The following NRG1 variants were observed in gnomAD, a reference collection of about 807,000 sequenced individuals.
NRG1 encodes pro-neuregulin-1, membrane-bound isoform.
In NRG1, 18 loss-of-function variants were observed where a neutral mutation model predicts 63.8. That is an observed-to-expected ratio of 0.28 (90% confidence interval 0.19 to 0.42). The LOEUF is 0.42. NRG1 is among the 10% of genes least tolerant of loss of function. The pLI is 1.00. For synonymous variants in NRG1, 302 were observed against 301.3 expected, an observed-to-expected ratio of 1.00 and a Z score of -0.02; for missense variants, 762 against 814.7, an observed-to-expected ratio of 0.94 and a Z score of 0.79.
At position 32,657,727 on chromosome 8, in the gene NRG1, A is replaced by G. The variant is rs188242039; in HGVS notation, c.502+40842A>G. Among the ~76,000 whole-genome samples the G allele has an allele frequency of 2.0e-5, 3 of 152,314 alleles. No homozygotes were observed. In the East Asian group the frequency reaches 5.8e-4, roughly 29 times the overall value. ...CCCTTGGTAGAGCTTCCTGGGTCAT[A>G]ATTGCTTGCTCTTCTGGGAGCAAAA... is the stretch of plus-strand genomic sequence containing the variant. On this transcript the variant is annotated intron_variant, in intron 5 of 11. Transcript: ENST00000356819.
intron 1 of NRG1, among the ~76,000 whole-genome samples, chr8:32,499,355 G>A (rs1368756638): frequency 6.6e-6 from 1 of 152,178 alleles, no homozygotes; most frequent in African/African-American, 2.4e-5. Context: ...CAGTTTTTGA[G>A]TCCAGAAGGC....
rs150011099 is a variant in NRG1, at chr8:32,707,117, A to G, written c.503-20832A>G. ...GTATTTTGTGCTGGGCTGCAGTCTT[A>G]TTCATCACTTGATAAATGATGCTTT... On this transcript the variant is annotated intron_variant, in intron 5 of 11. Transcript: ENST00000356819. 7.2e-3 allele frequency among the ~76,000 whole-genome samples: 1,100 copies of G among 152,186 alleles called. 9 individuals carry two copies. The highest frequency in any genetic ancestry group is 0.025 in the African/African-American group (1,052 of 41,574).
At chr8:32,142,644 C>A (rs1375315340) in intron 1 of NRG1, among the ~76,000 whole-genome samples, 1 of 152,142 alleles carries the variant, frequency 6.6e-6, no homozygotes, top group Non-Finnish European at 1.5e-5. Flanking sequence ...AACCACTCAA[C>A]AATTCTTTTT....
intron 5 of NRG1, among the ~76,000 whole-genome samples, chr8:32,722,314 C>A (rs1259350073): frequency 2.0e-5 from 3 of 152,128 alleles, no homozygotes; most frequent in African/African-American, 7.2e-5. Context: ...TTTTTATCAG[C>A]AGTTTGCATT....
chr8:32,302,597 A>G, intron 1 of NRG1, among the ~76,000 whole-genome samples: 1 of 138,506 alleles, frequency 7.2e-6, no homozygotes, highest in Non-Finnish European at 1.6e-5. Flanking sequence ...GCAATAATGA[A>G]ATAAAAATTA....
At chr8:32,371,729 T>G (rs1258626955) in intron 1 of NRG1, among the ~76,000 whole-genome samples, 2 of 152,198 alleles carry the variant, frequency 1.3e-5, no homozygotes, top group African/African-American at 4.8e-5. Context: ...CTGGCCATGC[T>G]GAAATCATGA....
chr8:31,756,034 A>T (rs1289155328), intron 1 of NRG1, among the ~76,000 whole-genome samples: 1 of 152,136 alleles, frequency 6.6e-6, no homozygotes, highest in Admixed American at 6.6e-5. Flanking sequence ...CTGTTTGATT[A>T]GCTAGACATC....
chr8:32,756,485 C>T (rs1419339170), exon 9 of NRG1: 1 of 1,613,380 alleles, frequency 6.2e-7, no homozygotes, highest in Non-Finnish European at 8.5e-7. Context: ...TGCCAATGGG[C>T]CTCACCATCC....
intron 11 of NRG1, among the ~76,000 whole-genome samples, chr8:32,761,768 C>T (rs1327678271): frequency 4.0e-5 from 6 of 151,772 alleles, no homozygotes; most frequent in East Asian, 3.9e-4. Flanking sequence ...AGGCTGGGCA[C>T]GGTGGCTCAC....
intron 1 of NRG1, among the ~76,000 whole-genome samples, chr8:32,580,068 G>A (rs538944473): frequency 6.6e-6 from 1 of 152,262 alleles, no homozygotes; most frequent in South Asian, 2.1e-4. Flanking sequence ...TCCTATGCAT[G>A]AGTTTTGTAG....
At chr8:32,749,275 G>T in intron 7 of NRG1, 1 of 451,868 alleles carries the variant, frequency 2.2e-6, no homozygotes, top group East Asian at 3.9e-5. Context: ...TAATTTAGGG[G>T]ATAGTTCAGC....
chr8:32,365,477 A>G (rs941450525), intron 1 of NRG1, among the ~76,000 whole-genome samples: 1 of 152,146 alleles, frequency 6.6e-6, no homozygotes, highest in Admixed American at 6.5e-5. Context: ...CCTCTGAAAT[A>G]ATGAATTCCT....
At chr8:32,043,350 C>T (rs1365927782) in intron 1 of NRG1, among the ~76,000 whole-genome samples, 1 of 151,842 alleles carries the variant, frequency 6.6e-6, no homozygotes, top group South Asian at 2.1e-4. Flanking sequence ...CAAAAACCTC[C>T]TCAGGAATTA....
chr8:32,359,131 C>A (rs1479358960), intron 1 of NRG1, among the ~76,000 whole-genome samples: 3 of 151,994 alleles, frequency 2.0e-5, no homozygotes, highest in Non-Finnish European at 4.4e-5. Flanking sequence ...CTACGTCAGC[C>A]CCTAACATTC....
chr8:32,155,630 C>T lies in NRG1; in HGVS notation c.38-440198C>T, dbSNP rs115557377. On this transcript the variant is annotated intron_variant, in intron 1 of 10. Coordinates refer to the NRG1 transcript ENST00000519301. ...GTTGTATTATCAAACACTGCATTGA[C>T]GCTTGTTCATCCTTGCTTCCATCAT... 2.7e-3 allele frequency among the ~76,000 whole-genome samples: 416 copies of T among 152,270 alleles called. 5 individuals are homozygous for T. Among genetic ancestry groups the T allele is most frequent in the African/African-American group, 9.6e-3 (398 of 41,560 alleles).
chr8:31,892,712 T>G (rs76360539), intron 1 of NRG1, among the ~76,000 whole-genome samples: 21,445 of 151,994 alleles, frequency 0.14, 1,962 homozygotes, highest in Non-Finnish European at 0.19. Context: ...CATTGGCTCT[T>G]TAGCAGGGTG....
At position 31,800,837 on chromosome 8, in the gene NRG1, CT is replaced by C. The variant is rs5890598; in HGVS notation, c.37+161427del. The stretch of plus-strand genomic sequence containing the variant: ...GATTTAGATTTCTCCAGTCTCCTTT[CT>C]TTTTTTTTTTTTTTTTTTTTGAGAT... On this transcript the variant is annotated intron_variant, in intron 1 of 10. Coordinates refer to the NRG1 transcript ENST00000519301. Among the ~76,000 whole-genome samples, 1,128 of 105,032 alleles carry C rather than the reference CT, an allele frequency of 0.011. 46 individuals carry two copies. The South Asian group carries it at 0.15, about 14-fold the overall frequency. 68.9% of individuals were successfully genotyped at this position (105,032 alleles called of 152,430 possible).
chr8:32,299,025 C>CAA (rs34799826), intron 1 of NRG1, among the ~76,000 whole-genome samples: 5,680 of 58,742 alleles, frequency 0.097, 328 homozygotes, highest in African/African-American at 0.14. Flanking sequence ...GACTCTATCT[C>CAA]AAAAAAAAAA....
chr8:31,921,953 A>T (rs146565547), intron 1 of NRG1, among the ~76,000 whole-genome samples: 1 of 152,284 alleles, frequency 6.6e-6, no homozygotes, highest in African/African-American at 2.4e-5. Flanking sequence ...AAGGAAAAGA[A>T]ATTTCTCTTT....
Sources: allele counts gnomAD v4.1 joint callset (sites outside exome capture counted in the v4.1 genomes callset), GRCh38; gene constraint gnomAD v4.1.1; transcripts MANE v1.5; gene names NCBI Gene and HGNC (gene_info 2026-07-23, HGNC 2026-07-21).